LRFN5: variants seen among roughly 807,000 people sequenced by gnomAD.
LRFN5 encodes leucine rich repeat and fibronectin type III domain containing 5.
Under a neutral mutation model 45.6 loss-of-function variants are expected in LRFN5, and 24 were observed. That is an observed-to-expected ratio of 0.53 (90% CI 0.38 to 0.74). The LOEUF is 0.74. Among genes scored for constraint, LRFN5 ranks in the 30% least tolerant of loss-of-function variants. The pLI is 0.00. For missense variants in LRFN5, 776 were observed against 861.5 expected (o/e 0.90, Z 1.24); for synonymous variants, 340 against 313.8 (o/e 1.08, Z -0.88).
intron 2 of LRFN5, among the ~76,000 whole-genome samples, chr14:41,783,691 T>C (rs1159349772): frequency 6.7e-6 from 1 of 149,820 alleles, no homozygotes; most frequent in Non-Finnish European, 1.5e-5. Flanking sequence ...TTCTTGCCCA[T>C]GCCTTAAAAA....
At chr14:41,776,778 A>G (rs1886307892) in intron 2 of LRFN5, among the ~76,000 whole-genome samples, 1 of 152,048 alleles carries the variant, frequency 6.6e-6, no homozygotes, top group South Asian at 2.1e-4. Context: ...TGTTTAAGCT[A>G]TCTTTCTCTG....
In LRFN5 at chr14:41,801,526, A is replaced by G. The variant is rs186365131; in HGVS notation, c.-21+34497A>G. On this transcript the variant is annotated intron_variant, in intron 2 of 5. Coordinates refer to ENST00000298119, the MANE Select transcript of LRFN5 (RefSeq NM_152447.5). ...TTCTTTTCCAGTGCCATTGACAGAT[A>G]AGTTACTCTAGAGTAAAGATTTTCA... 1.6e-3 allele frequency among the ~76,000 whole-genome samples: 250 copies of G among 152,250 alleles called. 2 individuals carry two copies. Among genetic ancestry groups the G allele is most frequent in the South Asian group, 5.8e-3 (28 of 4,824 alleles).
intron 1 of LRFN5, among the ~76,000 whole-genome samples, chr14:41,757,947 CA>C (rs1885484121): frequency 6.6e-6 from 1 of 152,114 alleles, no homozygotes; most frequent in African/African-American, 2.4e-5. Context: ...TATCAGAAAT[CA>C]ATTCACTCAC....
At chr14:41,665,979 T>C (rs1048498986) in intron 1 of LRFN5, among the ~76,000 whole-genome samples, 28 of 152,052 alleles carry the variant, frequency 1.8e-4, no homozygotes, top group Non-Finnish European at 1.8e-4. Context: ...TTTCGTGTAT[T>C]AAATAGTTGT....
intron 1 of LRFN5, among the ~76,000 whole-genome samples, chr14:41,715,668 G>A (rs745807361): frequency 9.8e-5 from 15 of 152,298 alleles, no homozygotes; most frequent in Non-Finnish European, 1.8e-4. Context: ...GCATGCCCCC[G>A]TTGCTTTGCA....
At chr14:41,636,833 A>C (rs1207950702) in intron 1 of LRFN5, among the ~76,000 whole-genome samples, 2 of 152,126 alleles carry the variant, frequency 1.3e-5, no homozygotes, top group Non-Finnish European at 2.9e-5. Context: ...AGGTTCAAAA[A>C]AGCTTACTAG....
intron 2 of LRFN5, among the ~76,000 whole-genome samples, chr14:41,818,805 G>T (rs1888012038): frequency 6.6e-6 from 1 of 152,098 alleles, no homozygotes; most frequent in African/African-American, 2.4e-5. Context: ...ATTGCAAAGT[G>T]GTGAAGTCTG....
rs1594684944 is a variant in LRFN5 at position 41,761,179 on chromosome 14, T to A, written c.-196-5675T>A. On this transcript the variant is annotated intron_variant, in intron 1 of 5. Transcript: ENST00000298119. Reference sequence around the variant, plus strand: ...TAACATTCACAGTGACACCCTGATGTAGGTATTATAACCATTTAAATACTA... The same window carrying A: ...TAACATTCACAGTGACACCCTGATGAAGGTATTATAACCATTTAAATACTA... Among the ~76,000 whole-genome samples, 3 of 152,146 alleles carry A rather than the reference T, an allele frequency of 2.0e-5. No individual in the cohort carries two copies. The East Asian group carries it at 5.8e-4, about 30-fold the overall frequency.
intron 1 of LRFN5, among the ~76,000 whole-genome samples, chr14:41,673,936 G>T (rs1594603486): frequency 6.8e-6 from 1 of 146,908 alleles, no homozygotes; most frequent in Admixed American, 6.7e-5. Flanking sequence ...GCGGCTGGCT[G>T]GGCGGGGGGC....
At chr14:41,787,819 T>G (rs1886782250) in intron 2 of LRFN5, among the ~76,000 whole-genome samples, 1 of 152,100 alleles carries the variant, frequency 6.6e-6, no homozygotes, top group Admixed American at 6.6e-5. Flanking sequence ...TTAATGTTTG[T>G]GTCTCCTCCA....
intron 1 of LRFN5, among the ~76,000 whole-genome samples, chr14:41,766,469 G>C (rs375779072): frequency 1.3e-4 from 20 of 152,246 alleles, no homozygotes; most frequent in African/African-American, 4.6e-4. Flanking sequence ...ACTGCCATAT[G>C]CTAACTGTCA....
At chr14:41,892,652 A>G in intron 4 of LRFN5, 1 of 983,536 alleles carries the variant, frequency 1.0e-6, no homozygotes, top group Non-Finnish European at 1.2e-6. Flanking sequence ...ACAATATTCA[A>G]TTAGTATACC....
intron 1 of LRFN5, among the ~76,000 whole-genome samples, chr14:41,625,002 T>C (rs898886922): frequency 1.3e-5 from 2 of 152,182 alleles, no homozygotes; most frequent in African/African-American, 4.8e-5. Flanking sequence ...TAATTTTTAA[T>C]GAAGCAGCTT....
intron 1 of LRFN5, among the ~76,000 whole-genome samples, chr14:41,708,748 T>C (rs565780095): frequency 6.6e-6 from 1 of 151,954 alleles, no homozygotes; most frequent in Admixed American, 6.6e-5. Flanking sequence ...TTATTGATTG[T>C]ATTTCCTGTG....
chr14:41,877,763 C>G (rs920537144), intron 2 of LRFN5, among the ~76,000 whole-genome samples: 3 of 152,052 alleles, frequency 2.0e-5, no homozygotes, highest in Admixed American at 1.3e-4. Flanking sequence ...AGTTGGCCAT[C>G]TATTTTGTTT....
At chr14:41,784,591 C>G (rs1411924810) in intron 2 of LRFN5, among the ~76,000 whole-genome samples, 1 of 149,608 alleles carries the variant, frequency 6.7e-6, no homozygotes, top group East Asian at 2.0e-4. Flanking sequence ...CTTCATTTGC[C>G]TAAGTGTATT....
chr14:41,611,926 C>T (rs994826860), intron 1 of LRFN5, among the ~76,000 whole-genome samples: 13 of 152,172 alleles, frequency 8.5e-5, no homozygotes, highest in African/African-American at 2.7e-4. Flanking sequence ...TTTGTCTCCT[C>T]TGTCATTAAA....
chr14:41,691,189 G>C (rs1882365028), intron 1 of LRFN5, among the ~76,000 whole-genome samples: 1 of 151,472 alleles, frequency 6.6e-6, no homozygotes, highest in Non-Finnish European at 1.5e-5. Flanking sequence ...ATTTTTTTCA[G>C]CTCTATACTT....
intron 1 of LRFN5, among the ~76,000 whole-genome samples, chr14:41,648,379 A>G (rs1176224453): frequency 1.3e-5 from 2 of 152,130 alleles, no homozygotes; most frequent in Admixed American, 1.3e-4. Context: ...GTGCCTGGTG[A>G]TAATATAACC....
Sources: gnomAD v4.1 joint callset for allele counts (sites outside exome capture counted in the v4.1 genomes callset) on GRCh38, gnomAD v4.1.1 for gene constraint, MANE v1.5 for transcripts, NCBI Gene and HGNC (gene_info 2026-07-23, HGNC 2026-07-21) for gene names.